The following AKAP13 variants were observed in gnomAD, a reference collection of about 807,000 sequenced individuals.
AKAP13 encodes A-kinase anchor protein 13.
Under a neutral mutation model 264.5 loss-of-function variants are expected in AKAP13, and 80 were observed. That is an observed-to-expected ratio of 0.30 (90% CI 0.25 to 0.36). The LOEUF is 0.36. AKAP13 is among the 10% of genes least tolerant of loss of function. The probability of loss-of-function intolerance (pLI) is 1.00; values close to 1 mark genes in which losing one functional copy is unlikely to be tolerated. For synonymous variants in AKAP13, 1,380 were observed against 1,250.2 expected (o/e 1.10, Z -2.19); for missense variants, 3,712 against 3,435.2 (o/e 1.08, Z -2.01).
At chr15:85,722,402 C>A in intron 25 of AKAP13, 55 bp downstream of exon 25, 1 of 1,419,566 alleles carries the variant, frequency 7.0e-7, no homozygotes, top group Non-Finnish European at 9.6e-7. Context: ...TCCTCTGTGG[C>A]CAGTAGTACT....
intron 2 of AKAP13, among the ~76,000 whole-genome samples, chr15:85,502,729 T>A (rs2151094677): frequency 6.6e-6 from 1 of 152,338 alleles, no homozygotes; most frequent in East Asian, 1.9e-4. Flanking sequence ...ATGTAACTAT[T>A]CGTTAGAAAT....
At chr15:85,710,068 C>CA (rs2151695753) in intron 18 of AKAP13, among the ~76,000 whole-genome samples, 1 of 152,296 alleles carries the variant, frequency 6.6e-6, no homozygotes, top group South Asian at 2.1e-4. Flanking sequence ...TATAATCTCT[C>CA]AAAGTATTTT....
In AKAP13 at chr15:85,662,384, C is replaced by G. The variant is rs770725542; in HGVS notation, c.4800-2179C>G. The G allele has an allele frequency of 2.5e-6, 4 of 1,614,076 alleles. No individual in the cohort carries two copies. In the South Asian group the frequency reaches 4.4e-5, roughly 18 times the overall value. On this transcript the variant is annotated intron_variant, in intron 12 of 36. Coordinates refer to ENST00000394518, the MANE Select transcript of AKAP13 (RefSeq NM_007200.5). ...TCTGTTTCTGTCTTTGATGTCATCC[C>G]CAGTATGAGCTGGTGCCCCTCTGGT...
chr15:85,589,008 G>A (rs1481851659), intron 8 of AKAP13, among the ~76,000 whole-genome samples: 1 of 152,120 alleles, frequency 6.6e-6, no homozygotes, highest in Non-Finnish European at 1.5e-5. Flanking sequence ...CAGTTCTTGA[G>A]GATTTGCAGG....
At chr15:85,495,944 A>G (rs571306223) in intron 2 of AKAP13, among the ~76,000 whole-genome samples, 8 of 152,282 alleles carry the variant, frequency 5.3e-5, no homozygotes, top group Non-Finnish European at 1.5e-5. Context: ...ATCTCCAGTG[A>G]TTTTAAACTG....
chr15:85,483,325 G>A (rs1457203768), intron 1 of AKAP13, among the ~76,000 whole-genome samples: 3 of 152,162 alleles, frequency 2.0e-5, no homozygotes, highest in Non-Finnish European at 4.4e-5. Context: ...ACACAAATTC[G>A]TAAACTGTCT....
At chr15:85,510,605 A>T (rs955708285) in intron 2 of AKAP13, among the ~76,000 whole-genome samples, 1 of 152,252 alleles carries the variant, frequency 6.6e-6, no homozygotes, top group Non-Finnish European at 1.5e-5. Flanking sequence ...GCAGTAAGTC[A>T]TTTGAAAATC....
chr15:85,521,286 TTTA>T (rs1482580860), intron 2 of AKAP13, 139 bp from the exon 3 acceptor site: 3 of 973,436 alleles, frequency 3.1e-6, no homozygotes, highest in African/African-American at 3.3e-5. Context: ...GTGCTCAATC[TTTA>T]TACTTGTTTC....
intron 8 of AKAP13, among the ~76,000 whole-genome samples, chr15:85,600,318 T>TAAA (rs5814205): frequency 2.2e-5 from 3 of 134,302 alleles, no homozygotes; most frequent in Admixed American, 7.4e-5. Flanking sequence ...AGCTTAGATT[T>TAAA]AAAAAAAAAA....
intron 30 of AKAP13, among the ~76,000 whole-genome samples, chr15:85,731,977 G>A (rs868443133): frequency 6.6e-6 from 1 of 151,896 alleles, no homozygotes; most frequent in African/African-American, 2.4e-5. Flanking sequence ...CAGCTCCTCA[G>A]GAGGCTGAGG....
intron 1 of AKAP13, among the ~76,000 whole-genome samples, chr15:85,473,611 A>G (rs1172637201): frequency 1.3e-5 from 2 of 152,194 alleles, no homozygotes; most frequent in Non-Finnish European, 2.9e-5. Context: ...TGAAAAACCA[A>G]AGAACTCAGG....
chr15:85,467,306 ATGTT>A (rs3054057), intron 1 of AKAP13, among the ~76,000 whole-genome samples: 45,816 of 151,824 alleles, frequency 0.3, 9,153 homozygotes, highest in Non-Finnish European at 0.45. Context: ...TACTCAATAA[ATGTT>A]TGAGTGATTG....
chr15:85,707,417 G>C (rs1259606360), intron 17 of AKAP13, among the ~76,000 whole-genome samples: 1 of 152,158 alleles, frequency 6.6e-6, no homozygotes, highest in African/African-American at 2.4e-5. Flanking sequence ...GTGCATGTGG[G>C]GGTTCCAGTG....
At chr15:85,518,318 A>C (rs1453440917) in intron 2 of AKAP13, among the ~76,000 whole-genome samples, 2 of 152,206 alleles carry the variant, frequency 1.3e-5, no homozygotes, top group African/African-American at 4.8e-5. Flanking sequence ...AATGGGAGTT[A>C]GTGGCTGAAA....
chr15:85,583,191 T>C (rs2079195508), intron 7 of AKAP13: 2 of 984,518 alleles, frequency 2.0e-6, no homozygotes, highest in Admixed American at 6.1e-5. Flanking sequence ...TTTGTCTTTA[T>C]TGTTTATTTT....
chr15:85,630,554 T>A (rs1264360833), intron 8 of AKAP13, among the ~76,000 whole-genome samples: 5 of 152,202 alleles, frequency 3.3e-5, no homozygotes, highest in Non-Finnish European at 7.3e-5. Flanking sequence ...TTTTACTACT[T>A]CTGCTTTTAA....
At chr15:85,606,987 G>A (rs1248692762) in intron 8 of AKAP13, among the ~76,000 whole-genome samples, 1 of 152,112 alleles carries the variant, frequency 6.6e-6, no homozygotes, top group African/African-American at 2.4e-5. Context: ...GGCACTTGGG[G>A]ATTGGCCAGG....
chr15:85,512,582 C>G (rs952032942), intron 2 of AKAP13, among the ~76,000 whole-genome samples: 2 of 152,126 alleles, frequency 1.3e-5, no homozygotes, highest in African/African-American at 2.4e-5. Flanking sequence ...AGGAATCCTA[C>G]TTGGATTTGA....
chr15:85,612,014 A>G (rs373816326), intron 8 of AKAP13, among the ~76,000 whole-genome samples: 2 of 152,254 alleles, frequency 1.3e-5, no homozygotes, highest in East Asian at 1.9e-4. Flanking sequence ...TCACTGCCGT[A>G]TCCTCGATGC....
Sources: gnomAD v4.1 joint callset for allele counts (sites outside exome capture counted in the v4.1 genomes callset) on GRCh38, gnomAD v4.1.1 for gene constraint, MANE v1.5 for transcripts, NCBI Gene and HGNC (gene_info 2026-07-23, HGNC 2026-07-21) for gene names.